Variants in ZNF226 observed in about 807,000 individuals in gnomAD.
The protein encoded by ZNF226 is Kruppel-associated box protein.
Under a neutral mutation model 11.4 loss-of-function variants are expected in ZNF226, and 6 were observed. The observed-to-expected ratio is 0.53, with a 90% confidence interval of 0.29 to 1.04. The LOEUF (loss-of-function observed/expected upper bound fraction) is 1.04. Among genes scored for constraint, ZNF226 ranks in the 50% least tolerant of loss-of-function variants. The probability of loss-of-function intolerance (pLI) is 0.08; values close to 1 mark genes in which losing one functional copy is unlikely to be tolerated. For synonymous variants in ZNF226, 350 were observed against 322.8 expected (o/e 1.08, Z -0.90); for missense variants, 1,058 against 956.5 (o/e 1.11, Z -1.40).
At chr19:44,165,938 A>G (rs776192334) in intron 2 of ZNF226, 131 bp downstream of exon 2, 5 of 152,364 alleles carry the variant, frequency 3.3e-5, no homozygotes, top group Admixed American at 6.5e-5. Flanking sequence ...GGGTTTATAC[A>G]AATGAACACC....
chr19:44,179,831 C>G (rs764534247), downstream of ZNF226, among the ~76,000 whole-genome samples: 24 of 151,814 alleles, frequency 1.6e-4, no homozygotes, highest in East Asian at 1.9e-4. Context: ...GCCTCTAATC[C>G]CAGCACTTTG....
chr19:44,172,337 C>A, intron 4 of ZNF226, 123 bp downstream of exon 4: 1 of 1,250,014 alleles, frequency 8.0e-7, no homozygotes, highest in Non-Finnish European at 1.1e-6. Context: ...TGCAGAGACA[C>A]TGGATGTTTC....
chr19:44,182,014 A>G (rs1970913109), downstream of ZNF226, among the ~76,000 whole-genome samples: 1 of 152,134 alleles, frequency 6.6e-6, no homozygotes, highest in African/African-American at 2.4e-5. Context: ...CCAGTGTTGA[A>G]TCAGGTGGAA....
chr19:44,180,432 T>G (rs1251384024), downstream of ZNF226, among the ~76,000 whole-genome samples: 1 of 152,190 alleles, frequency 6.6e-6, no homozygotes. Context: ...GTATGTAAAG[T>G]CCATGATACC....
At chr19:44,166,362 G>A (rs555108062) in intron 2 of ZNF226, among the ~76,000 whole-genome samples, 2 of 152,108 alleles carry the variant, frequency 1.3e-5, no homozygotes, top group Non-Finnish European at 2.9e-5. Context: ...TTAGCCAGGC[G>A]TGGTGGCCAA....
intron 5 of ZNF226, chr19:44,173,159 A>G (rs917214253): frequency 1.7e-6 from 1 of 585,292 alleles, no homozygotes; most frequent in Non-Finnish European, 3.1e-6. Context: ...ACCTTGTGTC[A>G]GACTATGTTG....
chr19:44,177,190 T>G lies in ZNF226; in HGVS notation c.1928T>G (p.Phe643Cys). The G allele has an allele frequency of 6.2e-7, 1 of 1,607,210 alleles. No individual in the cohort carries two copies. The highest frequency in any genetic ancestry group is 8.5e-7 in the Non-Finnish European group (1 of 1,177,876). The change falls in exon 6 of 6, where the codon TTC becomes TGC. Residue 643 changes from phenylalanine (F) to cysteine (C), a missense_variant. Coordinates refer to ENST00000337433, the MANE Select transcript of ZNF226 (RefSeq NM_001032373.2). ...AGAGTCCACAGTGGAGAAAAACCATTCAAATGTGAAGAATGTGGGAAGAGT... is the reference window on the plus strand; with the variant it reads ...AGAGTCCACAGTGGAGAAAAACCATGCAAATGTGAAGAATGTGGGAAGAGT... ...HQRVHSGEKP[F>C]KCEECGKSFG... is the part of the protein sequence containing the mutation.
chr19:44,174,837 T>TCTAAGGAAAGC, intron 5 of ZNF226: 3 of 699,538 alleles, frequency 4.3e-6, no homozygotes, highest in Non-Finnish European at 6.9e-6. Context: ...ATCCAGTGCA[T>TCTAAGGAAAGC]AGGTCTTCAT....
Position 44,175,907 on chromosome 19 carries a change from T to G in ZNF226, c.645T>G (p.His215Gln), listed in dbSNP as rs1465388666. 1.2e-6 allele frequency: 2 copies of G among 1,613,458 alleles called. No individual in the cohort carries two copies. The highest frequency in any genetic ancestry group is 1.7e-6 in the Non-Finnish European group (2 of 1,179,740). Residue 215 changes from histidine to glutamine, a missense_variant, in exon 6 of 6, where the codon CAT becomes CAG. Transcript: ENST00000337433. The part of the protein sequence containing the change: ...PIGWISHHDG[H>Q]RVHKSEKSYR... ...GTTGGATTTCACATCATGATGGTCA[T>G]AGAGTACACAAAAGTGAAAAATCTT...
At chr19:44,196,226 A>G in the ZNF226 span, among the ~76,000 whole-genome samples, 1 of 152,154 alleles carries the variant, frequency 6.6e-6, no homozygotes. Flanking sequence ...ATAATCAGCA[A>G]CCTCACCAGA....
chr19:44,183,193 A>T (rs188206799), downstream of ZNF226, among the ~76,000 whole-genome samples: 80 of 152,328 alleles, frequency 5.3e-4, no homozygotes, highest in Middle Eastern at 3.4e-3. Flanking sequence ...AGCTGAATTG[A>T]CATTAACTCT....
chr19:44,174,733 A>G, intron 5 of ZNF226: 1 of 325,214 alleles, frequency 3.1e-6, no homozygotes, highest in Non-Finnish European at 5.6e-6. Context: ...AGACAAACAT[A>G]TCTACATCCA....
the ZNF226 span, among the ~76,000 whole-genome samples, chr19:44,198,191 C>A: frequency 6.6e-6 from 1 of 152,264 alleles, no homozygotes; most frequent in East Asian, 1.9e-4. Context: ...ATATATAGCA[C>A]ACTTTTAATT....
chr19:44,172,232 C>T lies in ZNF226; in HGVS notation c.142+18C>T, dbSNP rs998320269. 6.2e-7 allele frequency: 1 copy of T among 1,606,130 alleles called. No homozygotes were observed. The highest frequency in any genetic ancestry group is 1.7e-5 in the Admixed American group (1 of 59,408). On this transcript the variant is annotated intron_variant, in intron 4 of 5. Transcript: ENST00000337433. ...GTCAGTGGGTGAGGACAGCCTCCCT[C>T]TGGAATATCTTTGTGCCCTTGGAGT...
At chr19:44,197,493 G>T in the ZNF226 span, among the ~76,000 whole-genome samples, 5 of 152,078 alleles carry the variant, frequency 3.3e-5, no homozygotes, top group African/African-American at 1.2e-4. Flanking sequence ...TGGAGGGGTT[G>T]GGACATATTG....
intron 3 of ZNF226, among the ~76,000 whole-genome samples, chr19:44,171,360 G>T (rs1334853408): frequency 1.3e-5 from 2 of 152,108 alleles, no homozygotes; most frequent in East Asian, 3.8e-4. Flanking sequence ...ACAAGAGCTA[G>T]ATTCTGTCTT....
chr19:44,180,086 C>CAAA (rs60173546), downstream of ZNF226, among the ~76,000 whole-genome samples: 76 of 54,624 alleles, frequency 1.4e-3, no homozygotes, highest in East Asian at 1.8e-3. Context: ...GACTCTGTCT[C>CAAA]AAAAAAAAAA....
the ZNF226 span, among the ~76,000 whole-genome samples, chr19:44,186,135 A>C: frequency 6.6e-6 from 1 of 152,016 alleles, no homozygotes; most frequent in Non-Finnish European, 1.5e-5. Context: ...GTACCACGTC[A>C]TGTTAATTAC....
At position 44,177,333 on chromosome 19, in the gene ZNF226, A is replaced by C; in HGVS notation, c.2071A>C (p.Arg691=). Reference sequence around the variant, plus strand: ...GAGCTTGAACCTTGACATGCATCAGAGGGTGCACACAGGAGAAAAACCATA... The same window carrying C: ...GAGCTTGAACCTTGACATGCATCAGCGGGTGCACACAGGAGAAAAACCATA... The part of the protein sequence containing the change: ...KWSLNLDMHQ[R]VHTGEKPYKC... Residue 691 remains arginine, a synonymous_variant, in exon 6 of 6, where the codon AGG becomes CGG. Transcript: ENST00000337433. The C allele has an allele frequency of 6.2e-7, 1 of 1,614,112 alleles. No homozygotes were observed. Among genetic ancestry groups the C allele is most frequent in the Non-Finnish European group, 8.5e-7 (1 of 1,179,990 alleles).
Sources: allele counts gnomAD v4.1 joint callset (sites outside exome capture counted in the v4.1 genomes callset), GRCh38; gene constraint gnomAD v4.1.1; transcripts MANE v1.5; gene names NCBI Gene and HGNC (gene_info 2026-07-23, HGNC 2026-07-21).